EDIL3: variants seen among roughly 807,000 people sequenced by gnomAD.
EDIL3 encodes EGF like and discoidin domains 3.
A neutral mutation model predicts 67.4 loss-of-function variants in EDIL3; 37 were observed. The observed-to-expected ratio is 0.55, with a 90% confidence interval of 0.42 to 0.72. EDIL3 has a LOEUF of 0.72. Among genes scored for constraint, EDIL3 ranks in the 30% least tolerant of loss-of-function variants. The pLI is 0.00. For synonymous variants in EDIL3, 195 were observed against 196.3 expected (o/e 0.99, Z 0.05); for missense variants, 527 against 586.3 (o/e 0.90, Z 1.04).
At chr5:84,178,842 C>T (rs1056894386) in intron 4 of EDIL3, among the ~76,000 whole-genome samples, 2 of 152,100 alleles carry the variant, frequency 1.3e-5, no homozygotes, top group African/African-American at 4.8e-5. Flanking sequence ...CACTGCAATT[C>T]CTAACATGGG....
intron 1 of EDIL3, among the ~76,000 whole-genome samples, chr5:84,383,921 T>C (rs1427076228): frequency 6.6e-6 from 1 of 152,012 alleles, no homozygotes; most frequent in East Asian, 1.9e-4. Flanking sequence ...CTTCCCCCGC[T>C]CCCGCCCGCA....
rs187300121 is a variant in EDIL3, at chr5:84,383,578, C to G, written c.67+730G>C. On this transcript the variant is annotated intron_variant, in intron 1 of 10. Coordinates refer to ENST00000296591, the MANE Select transcript of EDIL3 (RefSeq NM_005711.5). ...GTGCGGGGACGCGAGGGGTGGCTTG[C>G]CCCGCACTATTCCCCATTACCAAGA... 7.4e-4 allele frequency among the ~76,000 whole-genome samples: 112 copies of G among 152,324 alleles called. 2 individuals carry two copies. In the East Asian group the frequency reaches 0.02, roughly 27 times the overall value.
intron 1 of EDIL3, among the ~76,000 whole-genome samples, chr5:84,274,550 G>GA (rs1454174341): frequency 2.0e-5 from 3 of 152,000 alleles, no homozygotes; most frequent in Admixed American, 1.3e-4. Context: ...CTATTCATCA[G>GA]AAAAAATAAA....
chr5:83,941,233 ATGATGTATTG>A lies in EDIL3; in HGVS notation c.*2176_*2185del, dbSNP rs1744218100. On this transcript the variant is annotated 3_prime_UTR_variant, in exon 11 of 11. Coordinates refer to ENST00000296591, the MANE Select transcript of EDIL3 (RefSeq NM_005711.5). ...GAGAACAATAGGTATCCCGTTGGAC[ATGATGTATTG>A]CGAAGAGCATATAAAGCAGAGGGAA... 1 of 152,056 alleles carries A rather than the reference ATGATGTATTG, an allele frequency of 6.6e-6. No homozygotes were observed. Among genetic ancestry groups the A allele is most frequent in the South Asian group, 2.1e-4 (1 of 4,836 alleles). The allele number at this position is 152,056 out of a possible 1,614,324, so 9.4% of individuals were successfully genotyped here.
At chr5:84,276,158 T>C (rs921530034) in intron 1 of EDIL3, among the ~76,000 whole-genome samples, 6 of 152,154 alleles carry the variant, frequency 3.9e-5, no homozygotes, top group African/African-American at 1.4e-4. Context: ...TCATCCTATC[T>C]TATCTCATTC....
chr5:84,375,423 AAT>A (rs1204407766), intron 1 of EDIL3, among the ~76,000 whole-genome samples: 1 of 152,212 alleles, frequency 6.6e-6, no homozygotes, highest in African/African-American at 2.4e-5. Flanking sequence ...CAGAAAAAAA[AAT>A]ATTCTAATTG....
At chr5:84,027,279 A>G (rs1375007283) in intron 9 of EDIL3, among the ~76,000 whole-genome samples, 1 of 152,192 alleles carries the variant, frequency 6.6e-6, no homozygotes, top group Non-Finnish European at 1.5e-5. Context: ...TATAAGCCCC[A>G]AAAGGGTAAT....
intron 5 of EDIL3, among the ~76,000 whole-genome samples, chr5:84,127,911 T>C (rs1254672716): frequency 3.9e-5 from 6 of 152,114 alleles, no homozygotes; most frequent in Non-Finnish European, 8.8e-5. Context: ...TTAACTACAA[T>C]ATGCATTTTT....
intron 4 of EDIL3, among the ~76,000 whole-genome samples, chr5:84,168,740 C>A (rs1181940505): frequency 6.6e-6 from 1 of 152,168 alleles, no homozygotes; most frequent in East Asian, 1.9e-4. Flanking sequence ...CTACCTTGGT[C>A]CAAGCCACCA....
chr5:84,065,837 C>T (rs935524866), intron 7 of EDIL3, among the ~76,000 whole-genome samples: 4 of 151,796 alleles, frequency 2.6e-5, no homozygotes, highest in Non-Finnish European at 5.9e-5. Context: ...GTTAATCAGC[C>T]GGGCGCGGTG....
intron 4 of EDIL3, among the ~76,000 whole-genome samples, chr5:84,172,939 T>C (rs886758728): frequency 6.6e-6 from 1 of 152,124 alleles, no homozygotes; most frequent in Non-Finnish European, 1.5e-5. Flanking sequence ...AATTCCCCCT[T>C]GATAAACCCT....
intron 1 of EDIL3, among the ~76,000 whole-genome samples, chr5:84,359,319 C>T (rs1222913935): frequency 6.6e-6 from 1 of 152,056 alleles, no homozygotes; most frequent in East Asian, 1.9e-4. Context: ...AACATTTGGT[C>T]AGATAAGTAT....
chr5:84,033,102 C>T (rs1051496936), intron 9 of EDIL3, among the ~76,000 whole-genome samples: 9 of 152,158 alleles, frequency 5.9e-5, no homozygotes, highest in Admixed American at 1.3e-4. Flanking sequence ...CCTTCAGACT[C>T]TCTGCTTTAC....
At chr5:84,066,390 G>C in intron 7 of EDIL3, 61 bp downstream of exon 7, 1 of 1,494,364 alleles carries the variant, frequency 6.7e-7, no homozygotes, top group Non-Finnish European at 8.9e-7. Context: ...CTTGTCATTT[G>C]ATAATCAATA....
intron 9 of EDIL3, among the ~76,000 whole-genome samples, chr5:84,008,958 A>G (rs926003888): frequency 6.6e-6 from 1 of 152,032 alleles, no homozygotes; most frequent in African/African-American, 2.4e-5. Flanking sequence ...GATTACAGGT[A>G]TGCACCACCA....
At chr5:84,033,052 C>T (rs934844855) in intron 9 of EDIL3, among the ~76,000 whole-genome samples, 2 of 152,154 alleles carry the variant, frequency 1.3e-5, no homozygotes, top group Non-Finnish European at 2.9e-5. Flanking sequence ...TTCTGGCTGT[C>T]AGCCCAACAG....
chr5:84,154,319 A>G (rs1442115095), intron 4 of EDIL3, among the ~76,000 whole-genome samples: 2 of 152,178 alleles, frequency 1.3e-5, no homozygotes, highest in Non-Finnish European at 2.9e-5. Flanking sequence ...ACCATTTTAC[A>G]TTAATTCCTC....
rs1746972943 is a variant in EDIL3 at position 84,081,732 on chromosome 5, C to CACCCAAAAGAA, written c.652-15127_652-15126insTTCTTTTGGGT. ...GTACAAAAGCAAACAGCAAAATAAT[C>CACCCAAAAGAA]ACCACAAACCTGTTCAACCAAAAGA... On this transcript the variant is annotated intron_variant, in intron 6 of 10. Coordinates refer to ENST00000296591, the MANE Select transcript of EDIL3 (RefSeq NM_005711.5). Among the ~76,000 whole-genome samples the CACCCAAAAGAA allele has an allele frequency of 1.1e-4, 17 of 152,068 alleles. No individual in the cohort carries two copies. The South Asian group carries it at 2.9e-3, about 26-fold the overall frequency.
intron 3 of EDIL3, among the ~76,000 whole-genome samples, chr5:84,209,314 A>G (rs1744065910): frequency 6.6e-6 from 1 of 152,090 alleles, no homozygotes; most frequent in South Asian, 2.1e-4. Flanking sequence ...AGCATGGCAC[A>G]TGTATACATA....
Sources: allele counts gnomAD v4.1 joint callset (sites outside exome capture counted in the v4.1 genomes callset), GRCh38; gene constraint gnomAD v4.1.1; transcripts MANE v1.5; gene names NCBI Gene and HGNC (gene_info 2026-07-23, HGNC 2026-07-21).